The following AKAP6 variants were observed in gnomAD, a reference collection of about 807,000 sequenced individuals.
AKAP6 encodes the protein A-kinase anchor protein 6.
AKAP6 carries 58 observed loss-of-function variants against 188.5 expected under a neutral mutation model. That is an observed-to-expected ratio of 0.31 (90% confidence interval 0.25 to 0.38). The LOEUF (loss-of-function observed/expected upper bound fraction) is 0.38, where lower values mean the gene tolerates loss of function less well. Among genes scored for constraint, AKAP6 ranks in the 10% least tolerant of loss-of-function variants. AKAP6 has a pLI of 1.00. For synonymous variants in AKAP6, 989 were observed against 998.6 expected (o/e 0.99, Z 0.18); for missense variants, 2,710 against 2,740.0 (o/e 0.99, Z 0.24).
At chr14:32,583,407 G>A (rs950312979) in intron 5 of AKAP6, among the ~76,000 whole-genome samples, 3 of 152,210 alleles carry the variant, frequency 2.0e-5, no homozygotes, top group Non-Finnish European at 2.9e-5. Flanking sequence ...CTACTGGGGG[G>A]TGCCTCCCAG....
Position 32,418,939 on chromosome 14 carries a change from T to C in AKAP6, c.-34-14521T>C, listed in dbSNP as rs1030864652. Among the ~76,000 whole-genome samples, 58 of 152,182 alleles carry C rather than the reference T, an allele frequency of 3.8e-4. 1 individual carries two copies. The highest frequency in any genetic ancestry group is 7.4e-5 in the Non-Finnish European group (5 of 68,024). On this transcript the variant is annotated intron_variant, in intron 1 of 13. Coordinates refer to ENST00000280979, the MANE Select transcript of AKAP6 (RefSeq NM_004274.5). Reference sequence around the variant, plus strand: ...AAAATACGCATTTTATGTAACAAATTATTTATCTATGATATGTAACTTAAA... The same window carrying C: ...AAAATACGCATTTTATGTAACAAATCATTTATCTATGATATGTAACTTAAA...
intron 5 of AKAP6, among the ~76,000 whole-genome samples, chr14:32,580,633 A>G (rs1306360580): frequency 6.6e-6 from 1 of 152,148 alleles, no homozygotes; most frequent in African/African-American, 2.4e-5. Flanking sequence ...TACATGTGCC[A>G]TGCTGGCATG....
chr14:32,659,837 C>T (rs986277600), intron 7 of AKAP6, among the ~76,000 whole-genome samples: 1 of 152,082 alleles, frequency 6.6e-6, no homozygotes, highest in Non-Finnish European at 1.5e-5. Context: ...GACTTTGACT[C>T]TGATAACTTA....
At chr14:32,461,750 A>G (rs535641929) in intron 2 of AKAP6, among the ~76,000 whole-genome samples, 2 of 152,094 alleles carry the variant, frequency 1.3e-5, no homozygotes, top group Non-Finnish European at 2.9e-5. Context: ...TGACAGAAGT[A>G]GGCTTCAGAA....
chr14:32,359,834 C>T (rs925953024), intron 1 of AKAP6, among the ~76,000 whole-genome samples: 1 of 152,198 alleles, frequency 6.6e-6, no homozygotes, highest in Non-Finnish European at 1.5e-5. Context: ...GTACCTTTCT[C>T]ATCACATCAG....
At chr14:32,745,487 C>G (rs1018134592) in intron 11 of AKAP6, among the ~76,000 whole-genome samples, 8 of 117,412 alleles carry the variant, frequency 6.8e-5, no homozygotes, top group African/African-American at 1.4e-4. Context: ...CTCTCTCTCT[C>G]TCTCTCTCTG....
intron 9 of AKAP6, among the ~76,000 whole-genome samples, chr14:32,708,562 C>T (rs1890909177): frequency 6.6e-6 from 1 of 151,974 alleles, no homozygotes; most frequent in Non-Finnish European, 1.5e-5. Context: ...GAAACTTTCT[C>T]CCACATTTTC....
chr14:32,498,002 A>G (rs1165884915), intron 2 of AKAP6, among the ~76,000 whole-genome samples: 2 of 152,078 alleles, frequency 1.3e-5, no homozygotes, highest in African/African-American at 2.4e-5. Flanking sequence ...TTTCAATCTA[A>G]GGTATTTATG....
chr14:32,387,093 G>T (rs983644288), intron 1 of AKAP6, among the ~76,000 whole-genome samples: 5 of 151,904 alleles, frequency 3.3e-5, no homozygotes, highest in Non-Finnish European at 7.4e-5. Flanking sequence ...TTCTCAGCTT[G>T]GTCGCTGTTG....
chr14:32,762,538 G>A (rs910562104), intron 11 of AKAP6, among the ~76,000 whole-genome samples: 1 of 151,916 alleles, frequency 6.6e-6, no homozygotes, highest in East Asian at 1.9e-4. Context: ...AGAGATAACC[G>A]CAGCTTTCGT....
chr14:32,345,266 C>T (rs1887031581), intron 1 of AKAP6, among the ~76,000 whole-genome samples: 1 of 152,170 alleles, frequency 6.6e-6, no homozygotes, highest in African/African-American at 2.4e-5. Flanking sequence ...TGTTAAAATG[C>T]TGTATCTAGT....
At chr14:32,772,153 A>C (rs1317622057) in intron 11 of AKAP6, among the ~76,000 whole-genome samples, 1 of 152,090 alleles carries the variant, frequency 6.6e-6, no homozygotes, top group Non-Finnish European at 1.5e-5. Context: ...ACAGGGTTGT[A>C]GGAAGAGATG....
At chr14:32,429,952 C>T (rs1472929581) in intron 1 of AKAP6, among the ~76,000 whole-genome samples, 1 of 152,230 alleles carries the variant, frequency 6.6e-6, no homozygotes, top group Admixed American at 6.5e-5. Context: ...ATAACCACAT[C>T]TGTTTTGTCA....
chr14:32,734,431 C>T (rs1389648845), intron 10 of AKAP6: 2 of 152,096 alleles, frequency 1.3e-5, no homozygotes, highest in Non-Finnish European at 2.9e-5. Context: ...TTAAACAACC[C>T]TATCAAGGCA....
At chr14:32,614,937 A>G (rs184837440) in intron 7 of AKAP6, among the ~76,000 whole-genome samples, 11 of 151,928 alleles carry the variant, frequency 7.2e-5, no homozygotes, top group East Asian at 1.9e-4. Context: ...TTGGGAGGCC[A>G]AGGCGGGCAG....
intron 3 of AKAP6, among the ~76,000 whole-genome samples, chr14:32,536,468 T>G (rs2139119136): frequency 6.6e-6 from 1 of 152,304 alleles, no homozygotes; most frequent in South Asian, 2.1e-4. Flanking sequence ...AGGCGGGATT[T>G]GGGCTAATAG....
chr14:32,612,969 G>A lies in AKAP6; in HGVS notation c.2730+12177G>A, dbSNP rs78712041. Reference sequence around the variant, plus strand: ...ACTAGATCATACCACTATTTGAATCGCTATCAAAGTCTAATTTCTGACATA... The same window carrying A: ...ACTAGATCATACCACTATTTGAATCACTATCAAAGTCTAATTTCTGACATA... On this transcript the variant is annotated intron_variant, in intron 7 of 13. Coordinates refer to ENST00000280979, the MANE Select transcript of AKAP6 (RefSeq NM_004274.5). Among the ~76,000 whole-genome samples, 19 of 152,250 alleles carry A rather than the reference G, an allele frequency of 1.2e-4. No homozygotes were observed. In the East Asian group the frequency reaches 2.5e-3, roughly 20 times the overall value.
chr14:32,662,686 T>C (rs2139581627), intron 7 of AKAP6, among the ~76,000 whole-genome samples: 1 of 152,250 alleles, frequency 6.6e-6, no homozygotes, highest in Admixed American at 6.5e-5. Flanking sequence ...ACACAGTACC[T>C]CTTTCTATAG....
rs530460957 is a variant in AKAP6, at chr14:32,629,644, G to C, written c.2730+28852G>C. Among the ~76,000 whole-genome samples the C allele has an allele frequency of 6.8e-4, 103 of 151,196 alleles. 1 individual carries two copies. In the Middle Eastern group the frequency reaches 0.01, roughly 15 times the overall value. The stretch of plus-strand genomic sequence containing the variant: ...TAAGAGAATGTACAAGTAAGATTAT[G>C]AGAAGTTCAAGTGAAGCTAATTGCA... On this transcript the variant is annotated intron_variant, in intron 7 of 13. Coordinates refer to ENST00000280979, the MANE Select transcript of AKAP6 (RefSeq NM_004274.5).
Sources: allele counts gnomAD v4.1 joint callset (sites outside exome capture counted in the v4.1 genomes callset), GRCh38; gene constraint gnomAD v4.1.1; transcripts MANE v1.5; gene names NCBI Gene and HGNC (gene_info 2026-07-23, HGNC 2026-07-21).